RGS22: variants seen among roughly 807,000 people sequenced by gnomAD.
RGS22 encodes regulator of G-protein signaling 22.
RGS22 carries 148 observed loss-of-function variants against 172.9 expected under a neutral mutation model. The observed-to-expected ratio is 0.86, with a 90% CI of 0.75 to 0.98. The LOEUF is 0.98. Ranked by LOEUF, RGS22 falls within the 50% of genes least tolerant of loss-of-function variation. RGS22 has a pLI of 0.00. For missense variants in RGS22, 1,347 were observed against 1,440.8 expected, an observed-to-expected ratio of 0.93 and a Z score of 1.05; for synonymous variants, 458 against 480.2, an observed-to-expected ratio of 0.95 and a Z score of 0.60.
intron 18 of RGS22, 83 bp downstream of exon 18, chr8:100,002,119 A>G (rs546920605): frequency 9.6e-7 from 1 of 1,044,768 alleles, no homozygotes; most frequent in South Asian, 1.8e-5. Context: ...ATAAAATAAG[A>G]GACTTTCAGG....
rs1485842863 is a variant in RGS22 at position 100,063,610 on chromosome 8, A to G, written c.1158T>C (p.Ser386=). Residue 386 remains serine, a synonymous_variant, in exon 8 of 28, where the codon AGT becomes AGC. Coordinates refer to ENST00000360863, the MANE Select transcript of RGS22 (RefSeq NM_015668.5). Reference sequence around the variant, plus strand: ...CTGGTCCAGCGCTCTCATTCTTTGAACTTAAACTTGTTTGTTCTATCTCTT... The same window carrying G: ...CTGGTCCAGCGCTCTCATTCTTTGAGCTTAAACTTGTTTGTTCTATCTCTT... ...RSEEIEQTSL[S]SKNESAGPES... 1 of 1,614,080 alleles carries G rather than the reference A, an allele frequency of 6.2e-7. No homozygotes were observed. Among genetic ancestry groups the G allele is most frequent in the East Asian group, 2.2e-5 (1 of 44,868 alleles).
rs540810568 is a variant in RGS22 at position 99,966,803 on chromosome 8, A to C, written c.3520-1373T>G. On this transcript the variant is annotated intron_variant, in intron 23 of 27. Coordinates refer to ENST00000360863, the MANE Select transcript of RGS22 (RefSeq NM_015668.5). ...ATACCAACTACTTTTCATTTCTAGA[A>C]CTTCATTATCCAAAACAGAAGCTCT... Among the ~76,000 whole-genome samples, 5 of 152,342 alleles carry C rather than the reference A, an allele frequency of 3.3e-5. No homozygotes were observed. In the South Asian group the frequency reaches 1.0e-3, roughly 32 times the overall value.
intron 21 of RGS22, among the ~76,000 whole-genome samples, chr8:99,982,844 C>T (rs73702106): frequency 0.027 from 4,089 of 152,218 alleles, 158 homozygotes; most frequent in African/African-American, 0.092. Flanking sequence ...CACGGGGGTA[C>T]ATGTGCAAGT....
intron 6 of RGS22, 87 bp from the exon 7 acceptor site, chr8:100,066,383 C>A: frequency 9.6e-7 from 1 of 1,042,564 alleles, no homozygotes; most frequent in Admixed American, 2.1e-5. Context: ...TAATAATATT[C>A]AACTTGCACA....
chr8:99,973,495 C>T (rs553805463), intron 23 of RGS22, among the ~76,000 whole-genome samples: 5 of 152,074 alleles, frequency 3.3e-5, no homozygotes, highest in Non-Finnish European at 7.4e-5. Context: ...AGGGGAACAT[C>T]ACACACCAGG....
chr8:100,105,001 CTT>C (rs1813810330), intron 2 of RGS22, among the ~76,000 whole-genome samples: 1 of 152,230 alleles, frequency 6.6e-6, no homozygotes. Flanking sequence ...ATTGACCACT[CTT>C]TATCCATCAA....
intron 11 of RGS22, among the ~76,000 whole-genome samples, chr8:100,045,791 T>C (rs1008389583): frequency 2.0e-5 from 3 of 151,498 alleles, no homozygotes; most frequent in Non-Finnish European, 2.9e-5. Flanking sequence ...TCTCAACTCA[T>C]GCCTGTATGT....
At chr8:99,982,201 A>C (rs1356698661) in intron 21 of RGS22, 85 bp from the exon 22 acceptor site, 5 of 1,046,484 alleles carry the variant, frequency 4.8e-6, no homozygotes, top group Non-Finnish European at 6.7e-6. Flanking sequence ...TGTTTCAATT[A>C]ATATATGCAT....
chr8:99,990,605 T>C (rs2131266517), intron 20 of RGS22, among the ~76,000 whole-genome samples: 1 of 152,292 alleles, frequency 6.6e-6, no homozygotes, highest in African/African-American at 2.4e-5. Context: ...GGGTCAGATG[T>C]TGAAAGCTGC....
intron 16 of RGS22, among the ~76,000 whole-genome samples, chr8:100,005,480 T>C (rs1206556413): frequency 2.0e-5 from 3 of 152,176 alleles, no homozygotes; most frequent in Non-Finnish European, 4.4e-5. Context: ...TTTAAGGATT[T>C]ATTATGTTTA....
At chr8:100,033,387 C>T (rs547465663) in intron 14 of RGS22, among the ~76,000 whole-genome samples, 6 of 152,164 alleles carry the variant, frequency 3.9e-5, no homozygotes, top group Admixed American at 6.5e-5. Flanking sequence ...ATACTATAAA[C>T]GCCTCTATGC....
At chr8:100,086,169 C>T (rs897971930) in intron 3 of RGS22, among the ~76,000 whole-genome samples, 2 of 151,714 alleles carry the variant, frequency 1.3e-5, no homozygotes, top group African/African-American at 4.8e-5. Flanking sequence ...CATGTACCCA[C>T]AAAAATTAAA....
intron 2 of RGS22, among the ~76,000 whole-genome samples, chr8:100,098,999 T>G (rs756777817): frequency 5.3e-5 from 8 of 151,954 alleles, no homozygotes; most frequent in Admixed American, 1.3e-4. Flanking sequence ...CACTGCAACC[T>G]CCACCTCCCA....
intron 11 of RGS22, among the ~76,000 whole-genome samples, chr8:100,047,121 A>G (rs1171100369): frequency 1.3e-5 from 2 of 152,166 alleles, no homozygotes; most frequent in African/African-American, 4.8e-5. Flanking sequence ...GGTCAGTAAC[A>G]ATATTCTTGA....
intron 14 of RGS22, among the ~76,000 whole-genome samples, chr8:100,037,764 A>C (rs181656152): frequency 1.3e-5 from 2 of 152,338 alleles, no homozygotes; most frequent in Admixed American, 1.3e-4. Flanking sequence ...TAGGAGGATT[A>C]GGGCAAAAGG....
chr8:100,083,842 T>G (rs868446857), intron 3 of RGS22, among the ~76,000 whole-genome samples: 138 of 150,062 alleles, frequency 9.2e-4, no homozygotes, highest in South Asian at 1.5e-3. Context: ...TTTTTTTTTT[T>G]TTTTTTGTTT....
At chr8:99,970,560 C>T (rs1432132826) in intron 23 of RGS22, among the ~76,000 whole-genome samples, 1 of 152,032 alleles carries the variant, frequency 6.6e-6, no homozygotes, top group Non-Finnish European at 1.5e-5. Context: ...AGCACGAATC[C>T]CACAGAAATA....
chr8:99,977,578 A>T (rs1812108675), intron 23 of RGS22, among the ~76,000 whole-genome samples: 1 of 152,180 alleles, frequency 6.6e-6, no homozygotes, highest in South Asian at 2.1e-4. Flanking sequence ...GGATACTATC[A>T]TTGAGGATCT....
Position 100,002,187 on chromosome 8 carries a change from T to C in RGS22, c.2790+15A>G. 2 of 1,521,382 alleles carry C rather than the reference T, an allele frequency of 1.3e-6. No individual in the cohort carries two copies. The highest frequency in any genetic ancestry group is 8.8e-7 in the Non-Finnish European group (1 of 1,138,974). 94.2% of individuals were successfully genotyped at this position (1,521,382 alleles called of 1,614,324 possible). On this transcript the variant is annotated intron_variant, in intron 18 of 27. Coordinates refer to ENST00000360863, the MANE Select transcript of RGS22 (RefSeq NM_015668.5). Reference sequence around the variant, plus strand: ...TTCAAACATCAATTAAAAAAATAGGTTTGCATGTTGATACCTGGTTCTGCT... The same window carrying C: ...TTCAAACATCAATTAAAAAAATAGGCTTGCATGTTGATACCTGGTTCTGCT...
Sources: allele counts gnomAD v4.1 joint callset (sites outside exome capture counted in the v4.1 genomes callset), GRCh38; gene constraint gnomAD v4.1.1; transcripts MANE v1.5; gene names NCBI Gene and HGNC (gene_info 2026-07-23, HGNC 2026-07-21).